Variants in BRF1 observed in about 807,000 individuals in gnomAD.
BRF1 encodes the protein BRF1 general transcription factor IIIB subunit, also known as transcription factor IIIB 90 kDa subunit.
Under a neutral mutation model 81.7 loss-of-function variants are expected in BRF1, and 59 were observed. The observed-to-expected ratio is 0.72, with a 90% CI of 0.59 to 0.90. The LOEUF (loss-of-function observed/expected upper bound fraction) is 0.90, where lower values mean the gene tolerates loss of function less well. Ranked by LOEUF, BRF1 falls within the 40% of genes least tolerant of loss-of-function variation. The pLI, the probability that BRF1 is intolerant of heterozygous loss-of-function variation, is 0.00. For missense variants in BRF1, 1,050 were observed against 936.3 expected, an observed-to-expected ratio of 1.12 and a Z score of -1.58; for synonymous variants, 491 against 395.6, an observed-to-expected ratio of 1.24 and a Z score of -2.86.
chr14:105,267,747 C>A (rs1042955968), intron 3 of BRF1, among the ~76,000 whole-genome samples: 2 of 152,224 alleles, frequency 1.3e-5, no homozygotes, highest in Non-Finnish European at 2.9e-5. Flanking sequence ...GGGAGAGGAG[C>A]AGGAACAAGG....
At chr14:105,242,972 T>C (rs2054805784) in intron 5 of BRF1, among the ~76,000 whole-genome samples, 1 of 142,836 alleles carries the variant, frequency 7.0e-6, no homozygotes, top group African/African-American at 2.6e-5. Context: ...AAAAATGAGC[T>C]GGGCGTGGTG....
intron 3 of BRF1, among the ~76,000 whole-genome samples, chr14:105,257,966 A>G (rs1394491809): frequency 6.6e-6 from 1 of 152,190 alleles, no homozygotes; most frequent in Non-Finnish European, 1.5e-5. Context: ...GGGTTCACAT[A>G]TTGCATATTT....
chr14:105,221,790 G>A lies in BRF1; in HGVS notation c.1173C>T (p.Gly391=). ...LYRELLGGAP[G]SSEAAGSPEW... The stretch of plus-strand genomic sequence containing the variant: ...CGGGGCTTCCTGCTGCTTCCGAGCT[G>A]CCGGGGGCACCACCAAGGAGCTCCC... Residue 391 remains glycine (G), a synonymous_variant, in exon 11 of 18, where the codon GGC becomes GGT. Transcript: ENST00000547530. The A allele has an allele frequency of 6.2e-7, 1 of 1,611,896 alleles. No individual in the cohort carries two copies. The highest frequency in any genetic ancestry group is 8.5e-7 in the Non-Finnish European group (1 of 1,179,740).
intron 3 of BRF1, among the ~76,000 whole-genome samples, chr14:105,262,712 C>A (rs961287265): frequency 6.6e-6 from 1 of 152,214 alleles, no homozygotes; most frequent in African/African-American, 2.4e-5. Flanking sequence ...CAGGCAGTCA[C>A]CTGACGCTCC....
rs1168506247 is a variant in BRF1 at position 105,309,875 on chromosome 14, T to C, written c.-162+5447A>G. Among the ~76,000 whole-genome samples the C allele has an allele frequency of 7.2e-6, 1 of 138,926 alleles. No individual in the cohort carries two copies. The highest frequency in any genetic ancestry group is 2.7e-5 in the African/African-American group (1 of 36,742). The allele number at this position is 138,926 out of a possible 152,430, so 91.1% of individuals were successfully genotyped here. On this transcript the variant is annotated intron_variant, in intron 1 of 17. Transcript: ENST00000327359. The surrounding 1 kb of genome is among the most constrained non-coding windows in gnomAD (Gnocchi z 4.0). ...ATCTCGGCTCACTGCAAGCTCCGCC[T>C]CCTGGATTCAAGCAATTCTCCTGTC...
At chr14:105,229,293 G>C (rs766575442) in intron 6 of BRF1, among the ~76,000 whole-genome samples, 3 of 152,224 alleles carry the variant, frequency 2.0e-5, no homozygotes, top group Non-Finnish European at 2.9e-5. Flanking sequence ...CGAGGCCACA[G>C]CTGGCAGCTG....
In BRF1 at chr14:105,224,791, T is replaced by C. The variant is rs117789662; in HGVS notation, c.1048+1278A>G. 1.2e-3 allele frequency among the ~76,000 whole-genome samples: 179 copies of C among 152,326 alleles called. 2 individuals are homozygous for C. The East Asian group carries it at 0.024, about 21-fold the overall frequency. ...TTGAACTCTGCTCAAGCAGTCCTCC[T>C]GTATTTGCCTCCCAAAGTGCTGCGA... On this transcript the variant is annotated intron_variant, in intron 10 of 17. Coordinates refer to ENST00000547530, the MANE Select transcript of BRF1 (RefSeq NM_001519.4).
chr14:105,218,625 G>A (rs995063680), intron 14 of BRF1, among the ~76,000 whole-genome samples: 2 of 152,206 alleles, frequency 1.3e-5, no homozygotes, highest in African/African-American at 4.8e-5. Flanking sequence ...TCACCGTGAC[G>A]GCCACAAGGC....
chr14:105,225,972 C>G, intron 10 of BRF1, 97 bp downstream of exon 10: 1 of 1,237,812 alleles, frequency 8.1e-7, no homozygotes, highest in Non-Finnish European at 1.1e-6. Context: ...TAGATAATCC[C>G]CTTCCCTTTC....
intron 1 of BRF1, among the ~76,000 whole-genome samples, chr14:105,292,705 G>C (rs2057567490): frequency 6.6e-6 from 1 of 152,194 alleles, no homozygotes. Context: ...GGATGCAGTA[G>C]CATCAGACAT....
intron 2 of BRF1, among the ~76,000 whole-genome samples, chr14:105,273,660 G>A (rs2056755819): frequency 6.6e-6 from 1 of 152,192 alleles, no homozygotes; most frequent in African/African-American, 2.4e-5. Context: ...AGGTTTCAGG[G>A]ATCTAGGGCT....
intron 11 of BRF1, among the ~76,000 whole-genome samples, 167 bp downstream of exon 11, chr14:105,221,481 A>T (rs1176588195): frequency 2.0e-5 from 3 of 152,186 alleles, no homozygotes; most frequent in Non-Finnish European, 4.4e-5. Context: ...ACTGACGCCC[A>T]CACAGCCCCA....
rs201253468 is a variant in BRF1, at chr14:105,277,745, AT to A, written c.266-4852del. Among the ~76,000 whole-genome samples the A allele has an allele frequency of 7.0e-3, 1,059 of 152,246 alleles. 7 individuals are homozygous for A. Among genetic ancestry groups the A allele is most frequent in the East Asian group, 0.015 (75 of 5,172 alleles). ...GGGCTTATGATGACTGCAGTAAGTT[AT>A]TTTTTACCATCTTCTTTCTCTTTTT... On this transcript the variant is annotated intron_variant, in intron 2 of 17. Coordinates refer to ENST00000547530, the MANE Select transcript of BRF1 (RefSeq NM_001519.4).
intron 15 of BRF1, among the ~76,000 whole-genome samples, chr14:105,214,095 C>A (rs117780681): frequency 6.6e-6 from 1 of 152,234 alleles, no homozygotes; most frequent in Non-Finnish European, 1.5e-5. Context: ...TGCTCCCTCT[C>A]GCAGCCGCGC....
upstream of BRF1, among the ~76,000 whole-genome samples, chr14:105,305,196 T>C (rs2058151437): frequency 6.6e-6 from 1 of 150,874 alleles, no homozygotes; most frequent in Admixed American, 6.6e-5. Context: ...AGTCCAGGAG[T>C]TTGAGACCAG....
chr14:105,225,346 A>G (rs1333584912), intron 10 of BRF1, among the ~76,000 whole-genome samples: 2 of 152,208 alleles, frequency 1.3e-5, no homozygotes, highest in Non-Finnish European at 2.9e-5. Flanking sequence ...ATTTCAAAGA[A>G]ACCTGAAAAG....
chr14:105,273,961 G>A (rs942686453), intron 2 of BRF1, among the ~76,000 whole-genome samples: 1 of 152,206 alleles, frequency 6.6e-6, no homozygotes, highest in Non-Finnish European at 1.5e-5. Flanking sequence ...ATACAGGAAG[G>A]CCTCTGTCTC....
intron 1 of BRF1, among the ~76,000 whole-genome samples, chr14:105,307,768 G>A (rs918042798): frequency 3.9e-5 from 6 of 152,322 alleles, no homozygotes; most frequent in Middle Eastern, 3.4e-3. Context: ...CTAGCACTGC[G>A]GAGTATGATG....
intron 1 of BRF1, among the ~76,000 whole-genome samples, chr14:105,313,400 G>GC (rs1055027540): frequency 1.3e-5 from 2 of 152,188 alleles, no homozygotes; most frequent in African/African-American, 4.8e-5. Flanking sequence ...CGAGCAGCTG[G>GC]CCAAGGTCAG....
Sources: allele counts gnomAD v4.1 joint callset (sites outside exome capture counted in the v4.1 genomes callset), GRCh38; gene constraint gnomAD v4.1.1; non-coding constraint Gnocchi (gnomAD v3.1); transcripts MANE v1.5; gene names NCBI Gene and HGNC (gene_info 2026-07-23, HGNC 2026-07-21).